The following CLVS2 variants were observed in gnomAD, a reference collection of about 807,000 sequenced individuals.
CLVS2 encodes clavesin-2.
Under a neutral mutation model 29.0 loss-of-function variants are expected in CLVS2, and 19 were observed. The observed-to-expected ratio is 0.66, with a 90% CI of 0.46 to 0.96. The LOEUF (loss-of-function observed/expected upper bound fraction) is 0.96, where lower values mean the gene tolerates loss of function less well. Ranked by LOEUF, CLVS2 falls within the 40% of genes least tolerant of loss-of-function variation. The pLI, the probability that CLVS2 is intolerant of heterozygous loss-of-function variation, is 0.00. For missense variants in CLVS2, 294 were observed against 404.1 expected (o/e 0.73, Z 2.34); for synonymous variants, 161 against 151.3 (o/e 1.06, Z -0.47).
intron 4 of CLVS2, among the ~76,000 whole-genome samples, chr6:123,053,202 G>A (rs1582663713): frequency 6.6e-6 from 1 of 152,000 alleles, no homozygotes; most frequent in Non-Finnish European, 1.5e-5. Flanking sequence ...AAAAATTAAC[G>A]GGGCATGATG....
At chr6:123,057,688 G>C (rs1315472317) in intron 5 of CLVS2, among the ~76,000 whole-genome samples, 1 of 152,116 alleles carries the variant, frequency 6.6e-6, no homozygotes, top group South Asian at 2.1e-4. Flanking sequence ...ATTGTTGTTA[G>C]TATGTGTGTG....
chr6:123,048,000 A>G (rs556506341), intron 3 of CLVS2, among the ~76,000 whole-genome samples: 4 of 152,210 alleles, frequency 2.6e-5, no homozygotes, highest in Admixed American at 6.5e-5. Context: ...GAGAGATTCG[A>G]TTTTCATTTA....
chr6:123,005,572 T>C (rs907124018), intron 2 of CLVS2, among the ~76,000 whole-genome samples: 1 of 152,184 alleles, frequency 6.6e-6, no homozygotes, highest in Non-Finnish European at 1.5e-5. Flanking sequence ...GGATATGACC[T>C]ATTTGTCATT....
intron 3 of CLVS2, among the ~76,000 whole-genome samples, chr6:123,030,346 A>G (rs1401354570): frequency 6.6e-6 from 1 of 152,172 alleles, no homozygotes; most frequent in African/African-American, 2.4e-5. Context: ...GTGGAGTCCC[A>G]GTTATCCAAG....
chr6:123,036,929 T>C (rs1164048040), intron 3 of CLVS2, among the ~76,000 whole-genome samples: 1 of 152,190 alleles, frequency 6.6e-6, no homozygotes, highest in Non-Finnish European at 1.5e-5. Flanking sequence ...CTCCAACACG[T>C]TAGTCGAGCC....
In CLVS2 at chr6:122,996,506, G is replaced by A. The variant is rs1278131615; in HGVS notation, c.-800G>A. 4 of 152,822 alleles carry A rather than the reference G, an allele frequency of 2.6e-5. No individual in the cohort carries two copies. The highest frequency in any genetic ancestry group is 5.9e-5 in the Non-Finnish European group (4 of 68,208). The allele number at this position is 152,822 out of a possible 1,614,324, so 9.5% of individuals were successfully genotyped here. ...AGAACCTGGGACAGCGGTGGCCCTA[G>A]CCCTGCGATCCTCACCCCTCCTGCT... is the stretch of plus-strand genomic sequence containing the variant. On this transcript the variant is annotated 5_prime_UTR_variant, in exon 1 of 6. The change abolishes the stop of an existing upstream ORF in the 5' untranslated region. Coordinates refer to ENST00000275162, the MANE Select transcript of CLVS2 (RefSeq NM_001010852.4).
chr6:123,067,906 A>T lies in CLVS2; in HGVS notation c.*4145A>T, dbSNP rs1201265161. The T allele has an allele frequency of 2.6e-5, 4 of 151,752 alleles. No homozygotes were observed. Among genetic ancestry groups the T allele is most frequent in the Non-Finnish European group, 4.4e-5 (3 of 67,728 alleles). The allele number at this position is 151,752 out of a possible 1,614,324, so 9.4% of individuals were successfully genotyped here. A position where few individuals can be genotyped will look rare whatever the true frequency, so the allele number is the denominator to read the frequency against. On this transcript the variant is annotated 3_prime_UTR_variant, in exon 6 of 6. Transcript: ENST00000275162. The stretch of plus-strand genomic sequence containing the variant: ...AAATAGCTTCCCATATGCTACTGGA[A>T]CTATTTGACATTATTTGCTACATGA...
At chr6:123,016,719 A>G (rs1359314398) in intron 3 of CLVS2, among the ~76,000 whole-genome samples, 1 of 152,116 alleles carries the variant, frequency 6.6e-6, no homozygotes, top group African/African-American at 2.4e-5. Flanking sequence ...AGTGCCAGAT[A>G]GTGTAAGAGC....
Position 123,058,260 on chromosome 6 carries a change from G to A in CLVS2, c.896+2234G>A, listed in dbSNP as rs868542283. ...CAGAGGGCTCCACTGCATGAGATGT[G>A]GAGTCTTTCACACCACTGACATAAA... On this transcript the variant is annotated intron_variant, in intron 5 of 5. Coordinates refer to ENST00000275162, the MANE Select transcript of CLVS2 (RefSeq NM_001010852.4). 4.6e-5 allele frequency among the ~76,000 whole-genome samples: 7 copies of A among 152,162 alleles called. No homozygotes were observed. In the South Asian group the frequency reaches 1.5e-3, roughly 32 times the overall value.
At chr6:123,048,472 G>T in intron 3 of CLVS2, 150 bp from the exon 4 acceptor site, 1 of 559,088 alleles carries the variant, frequency 1.8e-6, no homozygotes, top group Non-Finnish European at 3.2e-6. Flanking sequence ...AATGTTTAAC[G>T]TGGTAAGGTT....
At chr6:123,011,393 A>G (rs576932411) in intron 3 of CLVS2, among the ~76,000 whole-genome samples, 1 of 152,152 alleles carries the variant, frequency 6.6e-6, no homozygotes, top group South Asian at 2.1e-4. Flanking sequence ...ACAGGTAATG[A>G]GCTGAGATTT....
chr6:123,039,757 C>T (rs1775202215), intron 3 of CLVS2, among the ~76,000 whole-genome samples: 1 of 152,046 alleles, frequency 6.6e-6, no homozygotes, highest in Admixed American at 6.6e-5. Context: ...ATCTTCTTGC[C>T]CATTCAGTTA....
At chr6:123,040,514 G>A (rs942987708) in intron 3 of CLVS2, among the ~76,000 whole-genome samples, 3 of 152,204 alleles carry the variant, frequency 2.0e-5, no homozygotes, top group Admixed American at 6.6e-5. Context: ...TTAATTACGC[G>A]CCAGGCGCAG....
chr6:123,001,335 T>A (rs569035029), intron 2 of CLVS2, among the ~76,000 whole-genome samples: 1 of 152,254 alleles, frequency 6.6e-6, no homozygotes, highest in East Asian at 1.9e-4. Flanking sequence ...TTGAGAGACA[T>A]GGCATCATTA....
At chr6:123,015,348 G>A (rs1774811477) in intron 3 of CLVS2, among the ~76,000 whole-genome samples, 1 of 151,938 alleles carries the variant, frequency 6.6e-6, no homozygotes. Flanking sequence ...TAAATGAACT[G>A]ACTTAGATCA....
chr6:123,010,717 A>G (rs746842842), intron 2 of CLVS2, among the ~76,000 whole-genome samples: 7 of 152,080 alleles, frequency 4.6e-5, no homozygotes, highest in Non-Finnish European at 1.0e-4. Flanking sequence ...ATTTTAGAAA[A>G]TCAAAAGAAG....
At chr6:123,043,342 G>A (rs940830888) in intron 3 of CLVS2, among the ~76,000 whole-genome samples, 2 of 151,974 alleles carry the variant, frequency 1.3e-5, no homozygotes, top group African/African-American at 2.4e-5. Context: ...TACACATAGT[G>A]TATTCCTAGT....
chr6:123,015,206 G>A (rs759981268), intron 3 of CLVS2, among the ~76,000 whole-genome samples: 2 of 151,982 alleles, frequency 1.3e-5, no homozygotes, highest in Non-Finnish European at 2.9e-5. Context: ...GGCTGGAAGG[G>A]CAGGCTGAAC....
rs948816314 is a variant in CLVS2, at chr6:122,997,832, G to T, written c.55G>T (p.Glu19Ter). 1 of 1,614,020 alleles carries T rather than the reference G, an allele frequency of 6.2e-7. No homozygotes were observed. Residue 19 changes from glutamate (E) to a stop codon, truncating the protein, a stop_gained, in exon 2 of 6, where the codon GAG becomes TAG. Coordinates refer to ENST00000275162, the MANE Select transcript of CLVS2 (RefSeq NM_001010852.4). LOFTEE classifies it high-confidence loss of function. ...TGAGACCCTGGAGAAAGCTCGCCTG[G>T]AGCTCAATGAAAACCCAGACACGCT... ...SPETLEKARL[E>*]LNENPDTLHQ... is the part of the protein sequence containing the mutation.
Sources: gnomAD v4.1 joint callset for allele counts (sites outside exome capture counted in the v4.1 genomes callset) on GRCh38, gnomAD v4.1.1 for gene constraint, MANE v1.5 for transcripts, NCBI Gene and HGNC (gene_info 2026-07-23, HGNC 2026-07-21) for gene names.